Variants in MAP4K3 observed in about 807,000 individuals in gnomAD.
The protein encoded by MAP4K3 is mitogen-activated protein kinase kinase kinase kinase 3.
Under a neutral mutation model 143.5 loss-of-function variants are expected in MAP4K3, and 94 were observed. The ratio of observed to expected loss-of-function variants is 0.65; its 90% CI spans 0.55 to 0.78. The LOEUF (loss-of-function observed/expected upper bound fraction) is 0.78, where lower values mean the gene tolerates loss of function less well. MAP4K3 is among the 30% of genes least tolerant of loss of function. MAP4K3 has a pLI of 0.00. For missense variants in MAP4K3, 1,077 were observed against 1,068.1 expected (o/e 1.01, Z -0.12); for synonymous variants, 416 against 347.2 (o/e 1.20, Z -2.20).
intron 1 of MAP4K3, among the ~76,000 whole-genome samples, chr2:39,424,891 G>C (rs1317157903): frequency 6.7e-6 from 1 of 148,810 alleles, no homozygotes; most frequent in Non-Finnish European, 1.5e-5. Context: ...AACAAAGTCT[G>C]TGTTTGGGTA....
intron 24 of MAP4K3, among the ~76,000 whole-genome samples, chr2:39,277,909 C>T (rs764994139): frequency 1.3e-5 from 2 of 151,618 alleles, no homozygotes; most frequent in Non-Finnish European, 1.5e-5. Context: ...TGGGGTGGCT[C>T]ATATCTATAA....
intron 1 of MAP4K3, among the ~76,000 whole-genome samples, chr2:39,433,198 C>T (rs1451949670): frequency 6.6e-6 from 1 of 152,152 alleles, no homozygotes; most frequent in Non-Finnish European, 1.5e-5. Flanking sequence ...CTAAAGATGA[C>T]TCTAAGGCTT....
intron 2 of MAP4K3, among the ~76,000 whole-genome samples, chr2:39,369,195 T>TTTTTTTGTTG (rs1573207435): frequency 5.6e-5 from 5 of 89,058 alleles, no homozygotes; most frequent in East Asian, 6.4e-4. Flanking sequence ...TTGGGCTAGT[T>TTTTTTTGTTG]TTTTTTTTTG....
chr2:39,309,576 GAGGCA>G, intron 13 of MAP4K3, 57 bp from the exon 14 acceptor site: 2 of 153,978 alleles, frequency 1.3e-5, no homozygotes, highest in Non-Finnish European at 2.0e-5. Context: ...TTTTTTTTTT[GAGGCA>G]GAGTCTTGCT....
intron 2 of MAP4K3, 67 bp from the exon 3 acceptor site, chr2:39,356,406 C>A: frequency 2.4e-6 from 2 of 837,216 alleles, no homozygotes; most frequent in East Asian, 2.5e-5. Context: ...TATTTCAAAA[C>A]ACAATAAAAT....
At chr2:39,371,895 CATATA>C (rs1666092114) in intron 2 of MAP4K3, among the ~76,000 whole-genome samples, 1 of 150,112 alleles carries the variant, frequency 6.7e-6, no homozygotes, top group South Asian at 2.1e-4. Context: ...TCCCTTTATA[CATATA>C]ATATATATTA....
intron 15 of MAP4K3, 36 bp from the exon 16 acceptor site, chr2:39,299,837 A>T: frequency 9.5e-7 from 1 of 1,057,430 alleles, no homozygotes; most frequent in Non-Finnish European, 1.4e-6. Flanking sequence ...GCACAATAGT[A>T]GTATATGACA....
At chr2:39,324,390 G>C (rs74316722) in intron 12 of MAP4K3, among the ~76,000 whole-genome samples, 4,987 of 151,776 alleles carry the variant, frequency 0.033, 273 homozygotes, top group African/African-American at 0.11. Flanking sequence ...CTGGGTAATA[G>C]AGTAAGACTC....
chr2:39,295,829 G>A lies in MAP4K3; in HGVS notation c.1179-2561C>T, dbSNP rs540585417. ...CACTTCCCAGGTTCAAGCAATTCTC[G>A]TGCCTCAGCCTCCCGAGTAGCTAGG... On this transcript the variant is annotated intron_variant, in intron 16 of 33. Coordinates refer to ENST00000263881, the MANE Select transcript of MAP4K3 (RefSeq NM_003618.4). 2.5e-4 allele frequency among the ~76,000 whole-genome samples: 37 copies of A among 146,952 alleles called. No homozygotes were observed. The South Asian group carries it at 3.8e-3, about 15-fold the overall frequency.
chr2:39,280,515 T>C (rs1355075957), intron 22 of MAP4K3, among the ~76,000 whole-genome samples, 159 bp from the exon 23 acceptor site: 2 of 152,076 alleles, frequency 1.3e-5, no homozygotes, highest in Non-Finnish European at 1.5e-5. Context: ...GAAATCATCA[T>C]AGTCATTTGC....
chr2:39,429,904 CAT>C (rs1665231272), intron 1 of MAP4K3, among the ~76,000 whole-genome samples: 1 of 152,190 alleles, frequency 6.6e-6, no homozygotes. Flanking sequence ...GATATACTCA[CAT>C]GTGTACTGTC....
At chr2:39,342,712 G>A (rs1665178338) in intron 4 of MAP4K3, among the ~76,000 whole-genome samples, 2 of 151,994 alleles carry the variant, frequency 1.3e-5, no homozygotes, top group Admixed American at 6.6e-5. Flanking sequence ...AATTACTTAA[G>A]TGGCCCCACA....
chr2:39,273,515 G>T (rs1329682107), intron 24 of MAP4K3, among the ~76,000 whole-genome samples: 1 of 119,930 alleles, frequency 8.3e-6, no homozygotes, highest in East Asian at 2.6e-4. Flanking sequence ...ATTGAGATGA[G>T]AGAATGGAAT....
intron 16 of MAP4K3, among the ~76,000 whole-genome samples, chr2:39,296,549 G>T (rs1558630216): frequency 6.6e-6 from 1 of 152,158 alleles, no homozygotes; most frequent in Non-Finnish European, 1.5e-5. Flanking sequence ...TGTACAAACA[G>T]ATATGGCAGA....
intron 1 of MAP4K3, chr2:39,436,667 C>G: frequency 1.8e-6 from 1 of 557,138 alleles, no homozygotes; most frequent in Non-Finnish European, 3.2e-6. Flanking sequence ...TGGCAAAAAT[C>G]ATGTCCACCG....
chr2:39,384,440 A>G (rs10173722), intron 1 of MAP4K3, among the ~76,000 whole-genome samples: 143,851 of 152,300 alleles, frequency 0.94, 68,424 homozygotes, highest in Non-Finnish European at 1. Flanking sequence ...CAGCTACTCG[A>G]GAGGCTGGGA....
At chr2:39,374,972 C>A (rs1332986992) in intron 2 of MAP4K3, among the ~76,000 whole-genome samples, 1 of 152,100 alleles carries the variant, frequency 6.6e-6, no homozygotes, top group Non-Finnish European at 1.5e-5. Flanking sequence ...ATCAAAAACT[C>A]TAATTTAGGC....
At chr2:39,315,259 A>G (rs1291548363) in intron 13 of MAP4K3, 51 bp downstream of exon 13, 2 of 1,255,538 alleles carry the variant, frequency 1.6e-6, no homozygotes, top group Non-Finnish European at 1.1e-6. Flanking sequence ...TAACTAAATT[A>G]TAACTTATTT....
chr2:39,398,713 A>AAATAAT (rs60507971), intron 1 of MAP4K3, among the ~76,000 whole-genome samples: 11,401 of 140,208 alleles, frequency 0.081, 606 homozygotes, highest in African/African-American at 0.15. Flanking sequence ...GGAATAATTA[A>AAATAAT]AATAATAATA....
Sources: allele counts gnomAD v4.1 joint callset (sites outside exome capture counted in the v4.1 genomes callset), GRCh38; gene constraint gnomAD v4.1.1; transcripts MANE v1.5; gene names NCBI Gene and HGNC (gene_info 2026-07-23, HGNC 2026-07-21).